The following CCNE1 variants were observed in gnomAD, a reference collection of about 807,000 sequenced individuals.
The protein encoded by CCNE1 is cyclin E1.
CCNE1 carries 8 observed loss-of-function variants against 54.1 expected under a neutral mutation model. The observed-to-expected ratio is 0.15, with a 90% CI of 0.09 to 0.27. CCNE1 has a LOEUF of 0.27. CCNE1 is among the 10% of genes least tolerant of loss of function. The pLI, the probability that CCNE1 is intolerant of heterozygous loss-of-function variation, is 1.00. For synonymous variants in CCNE1, 179 were observed against 185.2 expected (o/e 0.97, Z 0.27); for missense variants, 430 against 514.9 (o/e 0.84, Z 1.60).
chr19:29,817,349 C>T (rs2145722123), intron 5 of CCNE1, 57 bp from the exon 6 acceptor site: 1 of 1,613,492 alleles, frequency 6.2e-7, no homozygotes, highest in South Asian at 1.1e-5. Context: ...TCCCTCATAG[C>T]ATGGACGCAT....
At chr19:29,818,909 T>C (rs996059900) in intron 6 of CCNE1, among the ~76,000 whole-genome samples, 2 of 152,080 alleles carry the variant, frequency 1.3e-5, no homozygotes, top group African/African-American at 4.8e-5. Flanking sequence ...ATTACAGGCA[T>C]ACGCCACCAC....
At chr19:29,819,108 G>A (rs1007208146) in intron 6 of CCNE1, among the ~76,000 whole-genome samples, 12 of 151,972 alleles carry the variant, frequency 7.9e-5, no homozygotes, top group African/African-American at 2.7e-4. Context: ...TCAGGGTATA[G>A]TGGCTCAGGC....
chr19:29,813,129 T>A, intron 4 of CCNE1, 92 bp downstream of exon 4: 1 of 1,195,842 alleles, frequency 8.4e-7, no homozygotes, highest in Non-Finnish European at 1.2e-6. Flanking sequence ...CTGGAGACAC[T>A]CTGGTGAGAG....
At chr19:29,823,590 A>G (rs993833646) in intron 11 of CCNE1, 65 bp from the exon 12 acceptor site, 145 of 1,390,656 alleles carry the variant, frequency 1.0e-4, no homozygotes, top group Non-Finnish European at 1.2e-4. Context: ...GAAAAAGCCT[A>G]TGGTAATTGA....
At chr19:29,821,100 C>G (rs1462431412) in intron 7 of CCNE1, among the ~76,000 whole-genome samples, 2 of 151,888 alleles carry the variant, frequency 1.3e-5, no homozygotes, top group Non-Finnish European at 2.9e-5. Flanking sequence ...GAACTTTGAA[C>G]TAAGATAATA....
At chr19:29,812,636 G>A in intron 2 of CCNE1, 53 bp from the exon 3 acceptor site, 6 of 1,552,834 alleles carry the variant, frequency 3.9e-6, no homozygotes, top group Non-Finnish European at 4.4e-6. Context: ...GGGTGGCGTG[G>A]GGGAGGGGCG....
At chr19:29,821,855 C>G in intron 8 of CCNE1, 38 bp downstream of exon 8, 1 of 1,525,334 alleles carries the variant, frequency 6.6e-7, no homozygotes, top group Non-Finnish European at 9.1e-7. Context: ...TTTTTAAATG[C>G]GTACGGCAGA....
At chr19:29,823,589 T>C (rs372685102) in intron 11 of CCNE1, 66 bp from the exon 12 acceptor site, 1 of 1,384,870 alleles carries the variant, frequency 7.2e-7, no homozygotes, top group Non-Finnish European at 9.7e-7. Flanking sequence ...AGAAAAAGCC[T>C]ATGGTAATTG....
In CCNE1 at chr19:29,823,898, A is replaced by G. The variant is rs561079816; in HGVS notation, c.*121A>G. 3 of 1,097,634 alleles carry G rather than the reference A, an allele frequency of 2.7e-6. No individual in the cohort carries two copies. In the African/African-American group the frequency reaches 4.7e-5, roughly 17 times the overall value. 68.0% of individuals were successfully genotyped at this position (1,097,634 alleles called of 1,614,324 possible). On this transcript the variant is annotated 3_prime_UTR_variant, in exon 12 of 12. Transcript: ENST00000262643. ...CTGAATGGAAGAGTGTTTCTTCCAC[A>G]ACAGAAGTATTTCTGTGGATGGCAT...
intron 10 of CCNE1, 23 bp downstream of exon 10, chr19:29,822,374 G>T (rs775069706): frequency 1.2e-6 from 2 of 1,613,490 alleles, no homozygotes; most frequent in East Asian, 2.2e-5. Context: ...TCCAGTGCAT[G>T]CACAAACAAG....
intron 6 of CCNE1, among the ~76,000 whole-genome samples, chr19:29,820,016 T>C (rs889347603): frequency 6.6e-6 from 1 of 152,280 alleles, no homozygotes; most frequent in African/African-American, 2.4e-5. Context: ...GGCTTCTCTT[T>C]GGCATTTCCA....
In CCNE1 at chr19:29,813,253, G is replaced by A. The variant is rs905075383; in HGVS notation, c.180+216G>A. On this transcript the variant is annotated intron_variant, in intron 4 of 11. Coordinates refer to ENST00000262643, the MANE Select transcript of CCNE1 (RefSeq NM_001238.4). ...AAGCTTGGTGTTCCTGACTGGCACC[G>A]TCTGAGATTACAGATATGTGCCTAG... is the stretch of plus-strand genomic sequence containing the variant. 5.7e-5 allele frequency: 33 copies of A among 580,882 alleles called. No individual in the cohort carries two copies. In the East Asian group the frequency reaches 6.3e-4, roughly 11 times the overall value. 36.0% of individuals were successfully genotyped at this position (580,882 alleles called of 1,614,324 possible).
At chr19:29,820,635 G>GTTTTTT in intron 6 of CCNE1, 67 bp from the exon 7 acceptor site, 1 of 948,340 alleles carries the variant, frequency 1.1e-6, no homozygotes, top group Non-Finnish European at 1.6e-6. Flanking sequence ...GTCATTACAA[G>GTTTTTT]TTTTTTTTTT....
chr19:29,823,977 T>C lies in CCNE1; in HGVS notation c.*200T>C. On this transcript the variant is annotated 3_prime_UTR_variant, in exon 12 of 12. Transcript: ENST00000262643. ...TGCTTATAGGTTTTTTTTAAATAAG[T>C]GGGTCAAGTACACCAGCCACCTCCA... 1 of 501,912 alleles carries C rather than the reference T, an allele frequency of 2.0e-6. No individual in the cohort carries two copies. Among genetic ancestry groups the C allele is most frequent in the Non-Finnish European group, 3.3e-6 (1 of 299,762 alleles). 31.1% of individuals were successfully genotyped at this position (501,912 alleles called of 1,614,324 possible).
rs1830662049 is a variant in CCNE1, at chr19:29,822,509, G to C, written c.1016G>C (p.Arg339Thr). ...ATGGTTCCATTTGCCATGGTTATAA[G>C]GGAGACGGGGAGCTCAAAACTGAAG... ...KWMVPFAMVI[R>T]ETGSSKLKHF... The change falls in exon 11 of 12, where the codon AGG becomes ACG. Residue 339 changes from arginine (R) to threonine (T), a missense_variant. Around this residue, in one of 2 missense-constraint regions of CCNE1, gnomAD observed 303 missense variants for 401.1 expected, o/e 0.76. Coordinates refer to ENST00000262643, the MANE Select transcript of CCNE1 (RefSeq NM_001238.4). The C allele has an allele frequency of 6.2e-7, 1 of 1,614,124 alleles. No homozygotes were observed. The highest frequency in any genetic ancestry group is 8.5e-7 in the Non-Finnish European group (1 of 1,180,042).
chr19:29,814,250 A>T (rs1214142361), intron 4 of CCNE1, among the ~76,000 whole-genome samples: 1 of 152,182 alleles, frequency 6.6e-6, no homozygotes, highest in Non-Finnish European at 1.5e-5. Context: ...TATAAAATGA[A>T]TTCTGACTTT....
intron 4 of CCNE1, among the ~76,000 whole-genome samples, chr19:29,815,640 T>G (rs867842601): frequency 1.5e-3 from 120 of 78,154 alleles, no homozygotes; most frequent in East Asian, 2.5e-3. Context: ...TTTTTTTTTT[T>G]GGGGGGGGGA....
chr19:29,816,432 A>G (rs914314745), intron 4 of CCNE1, among the ~76,000 whole-genome samples: 1 of 152,204 alleles, frequency 6.6e-6, no homozygotes, highest in African/African-American at 2.4e-5. Flanking sequence ...TATTTGAATT[A>G]CCCTGCAAGA....
chr19:29,817,703 T>G, intron 6 of CCNE1, 162 bp downstream of exon 6: 1 of 731,890 alleles, frequency 1.4e-6, no homozygotes. Context: ...GCTTGTATTC[T>G]TAGCAAGAAT....
Sources: gnomAD v4.1 joint callset for allele counts (sites outside exome capture counted in the v4.1 genomes callset) on GRCh38, gnomAD v4.1.1 for gene constraint, gnomAD v4.1.1 regional missense constraint, MANE v1.5 for transcripts, NCBI Gene and HGNC (gene_info 2026-07-23, HGNC 2026-07-21) for gene names.